Variants in MAP3K20 observed in about 807,000 individuals in gnomAD.
MAP3K20 encodes mitogen-activated protein kinase kinase kinase 20, also known as HCCS-4.
Under a neutral mutation model 85.7 loss-of-function variants are expected in MAP3K20, and 40 were observed. The ratio of observed to expected loss-of-function variants is 0.47; its 90% CI spans 0.36 to 0.61. The LOEUF is 0.61. MAP3K20 is among the 20% of genes least tolerant of loss of function. MAP3K20 has a pLI of 0.00. For synonymous variants in MAP3K20, 325 were observed against 327.7 expected, an observed-to-expected ratio of 0.99 and a Z score of 0.09; for missense variants, 817 against 961.7, an observed-to-expected ratio of 0.85 and a Z score of 1.99.
At chr2:173,229,792 C>G (rs988003353) in intron 12 of MAP3K20, 59 bp downstream of exon 12, 2 of 1,598,472 alleles carry the variant, frequency 1.3e-6, no homozygotes, top group Non-Finnish European at 1.7e-6. Flanking sequence ...AAATTTTTCC[C>G]TAAGTTTTTA....
At chr2:173,110,734 A>T (rs1687949445) in intron 2 of MAP3K20, among the ~76,000 whole-genome samples, 1 of 152,140 alleles carries the variant, frequency 6.6e-6, no homozygotes, top group Admixed American at 6.5e-5. Context: ...TCTCATCCAG[A>T]TCACTGCAAA....
Position 173,261,118 on chromosome 2 carries a change from A to AGTG in MAP3K20, c.1533_1535dup (p.Glu511_Cys512insTrp), listed in dbSNP as rs1278846779. 1.2e-6 allele frequency: 2 copies of AGTG among 1,613,572 alleles called. No individual in the cohort carries two copies. The highest frequency in any genetic ancestry group is 8.5e-7 in the Non-Finnish European group (1 of 1,179,670). ...GGAATAGCAAAAAGTCAGACTGTGG[A>AGTG]GTGCACTGTCACATATGAGGTAAGC... On this transcript the variant is annotated inframe_insertion, in exon 18 of 20. Transcript: ENST00000375213.
At chr2:173,260,087 C>A (rs991111375) in intron 17 of MAP3K20, among the ~76,000 whole-genome samples, 11 of 152,140 alleles carry the variant, frequency 7.2e-5, no homozygotes, top group African/African-American at 2.4e-4. Flanking sequence ...CTAGCCCAGG[C>A]TGGGTGCAGT....
chr2:173,239,647 GCTGC>G, intron 16 of MAP3K20, 151 bp downstream of exon 16: 2 of 737,786 alleles, frequency 2.7e-6, no homozygotes, highest in Non-Finnish European at 4.3e-6. Context: ...TAGCTGAAAG[GCTGC>G]CAGCTGCCTC....
chr2:173,115,616 TAGTA>T (rs1688098903), intron 2 of MAP3K20, among the ~76,000 whole-genome samples: 1 of 152,202 alleles, frequency 6.6e-6, no homozygotes, highest in Admixed American at 6.5e-5. Flanking sequence ...TCTCTTGATG[TAGTA>T]CTCTCCCCCT....
In MAP3K20 at chr2:173,090,882, C is replaced by T. The variant is rs976992444; in HGVS notation, c.-34-116C>T. 9 of 1,372,148 alleles carry T rather than the reference C, an allele frequency of 6.6e-6. No individual in the cohort carries two copies. In the Admixed American group the frequency reaches 9.4e-5, roughly 14 times the overall value. The allele number at this position is 1,372,148 out of a possible 1,614,324, so 85.0% of individuals were successfully genotyped here. A position where few individuals can be genotyped will look rare whatever the true frequency, so the allele number is the denominator to read the frequency against. The stretch of plus-strand genomic sequence containing the variant: ...CTTGCTTTTCTTCTTCCTAAGTCAC[C>T]GTGACTTTCTGGAAGTTTCACAGGA... On this transcript the variant is annotated intron_variant, in intron 1 of 19. Transcript: ENST00000375213.
intron 16 of MAP3K20, among the ~76,000 whole-genome samples, chr2:173,257,079 G>A (rs370747874): frequency 6.6e-6 from 1 of 152,130 alleles, no homozygotes; most frequent in African/African-American, 2.4e-5. Flanking sequence ...TGGGAGAATC[G>A]CTGGAGCTTG....
chr2:173,237,612 G>A (rs1345008), intron 14 of MAP3K20, among the ~76,000 whole-genome samples: 5,607 of 152,244 alleles, frequency 0.037, 140 homozygotes, highest in South Asian at 0.095. Context: ...CATTTAAATT[G>A]TCTTCCTTTC....
At chr2:173,139,180 C>T (rs1688895802) in intron 2 of MAP3K20, among the ~76,000 whole-genome samples, 1 of 152,186 alleles carries the variant, frequency 6.6e-6, no homozygotes, top group African/African-American at 2.4e-5. Flanking sequence ...TGGAGAAGTA[C>T]AGTGCTTAAT....
chr2:173,217,648 A>G (rs1412048951), intron 11 of MAP3K20, among the ~76,000 whole-genome samples: 1 of 152,222 alleles, frequency 6.6e-6, no homozygotes, highest in Non-Finnish European at 1.5e-5. Flanking sequence ...CTCACTGACT[A>G]ACAGAGTCTT....
intron 12 of MAP3K20, among the ~76,000 whole-genome samples, chr2:173,230,092 A>G (rs1684487496): frequency 6.6e-6 from 1 of 152,146 alleles, no homozygotes; most frequent in East Asian, 1.9e-4. Flanking sequence ...TCAGCCTCCC[A>G]AAGTGCTGGG....
intron 2 of MAP3K20, among the ~76,000 whole-genome samples, chr2:173,113,503 G>A (rs1302029955): frequency 3.3e-5 from 5 of 151,798 alleles, no homozygotes; most frequent in African/African-American, 4.8e-5. Flanking sequence ...GTTTGTGCTC[G>A]TTCAGTCTTT....
chr2:173,265,413 T>G (rs1685397121), intron 19 of MAP3K20, among the ~76,000 whole-genome samples: 1 of 152,248 alleles, frequency 6.6e-6, no homozygotes, highest in Non-Finnish European at 1.5e-5. Context: ...TATCTGCCAA[T>G]GCAGCTTCAT....
chr2:173,171,817 T>A (rs1460211268), intron 3 of MAP3K20, among the ~76,000 whole-genome samples: 3 of 152,174 alleles, frequency 2.0e-5, no homozygotes, highest in East Asian at 1.9e-4. Context: ...TTAGTTAACA[T>A]TAAACCTAAA....
intron 16 of MAP3K20, among the ~76,000 whole-genome samples, chr2:173,244,610 C>A (rs1317047619): frequency 6.6e-6 from 1 of 152,056 alleles, no homozygotes; most frequent in Non-Finnish European, 1.5e-5. Flanking sequence ...TGTGCTAGAT[C>A]TCACACCTGA....
At chr2:173,220,776 A>T (rs576597005) in intron 11 of MAP3K20, among the ~76,000 whole-genome samples, 5 of 152,270 alleles carry the variant, frequency 3.3e-5, no homozygotes, top group African/African-American at 9.6e-5. Context: ...TTATTTTTTT[A>T]AAAATATAAT....
At position 173,110,227 on chromosome 2, in the gene MAP3K20, A is replaced by T. The variant is rs74173145; in HGVS notation, c.159+19037A>T. 6.2e-3 allele frequency among the ~76,000 whole-genome samples: 57 copies of T among 9,222 alleles called. 1 individual carries two copies. Among genetic ancestry groups the T allele is most frequent in the Non-Finnish European group, 1.5e-3 (7 of 4,538 alleles). The allele number at this position is 9,222 out of a possible 152,430, so 6.0% of individuals were successfully genotyped here. A position where few individuals can be genotyped will look rare whatever the true frequency, so the allele number is the denominator to read the frequency against. On this transcript the variant is annotated intron_variant, in intron 2 of 19. Transcript: ENST00000375213. Reference sequence around the variant, plus strand: ...TATATATATATATATATATATATATATATATATATATATATTTTTTTTTTT... The same window carrying T: ...TATATATATATATATATATATATATTTATATATATATATATTTTTTTTTTT...
At chr2:173,106,152 T>C (rs1342650192) in intron 2 of MAP3K20, among the ~76,000 whole-genome samples, 2 of 152,214 alleles carry the variant, frequency 1.3e-5, no homozygotes, top group African/African-American at 2.4e-5. Context: ...TCCCAAATCA[T>C]AACACACCCA....
intron 16 of MAP3K20, among the ~76,000 whole-genome samples, chr2:173,240,691 G>A (rs1182758538): frequency 6.6e-6 from 1 of 152,196 alleles, no homozygotes; most frequent in Non-Finnish European, 1.5e-5. Flanking sequence ...ATGAATGCTG[G>A]TGAGGATGTG....
Sources: allele counts gnomAD v4.1 joint callset (sites outside exome capture counted in the v4.1 genomes callset), GRCh38; gene constraint gnomAD v4.1.1; transcripts MANE v1.5; gene names NCBI Gene and HGNC (gene_info 2026-07-23, HGNC 2026-07-21).